UNC79: variants seen among roughly 807,000 people sequenced by gnomAD.
The protein encoded by UNC79 is unc-79 subunit of NALCN channel complex, also known as protein unc-79 homolog.
Under a neutral mutation model 283.1 loss-of-function variants are expected in UNC79, and 37 were observed. The observed-to-expected ratio is 0.13, with a 90% CI of 0.10 to 0.17. The LOEUF is 0.17. Among genes scored for constraint, UNC79 ranks in the 10% least tolerant of loss-of-function variants. The pLI is 1.00. For missense variants in UNC79, 2,272 were observed against 3,211.1 expected, an observed-to-expected ratio of 0.71 and a Z score of 7.07; for synonymous variants, 1,107 against 1,200.2, an observed-to-expected ratio of 0.92 and a Z score of 1.61.
Position 93,690,563 on chromosome 14 carries a change from C to A in UNC79, c.7272+260C>A. 2.5e-6 allele frequency: 1 copy of A among 393,388 alleles called. No homozygotes were observed. Among genetic ancestry groups the A allele is most frequent in the Non-Finnish European group, 4.5e-6 (1 of 222,582 alleles). The allele number at this position is 393,388 out of a possible 1,614,324, so 24.4% of individuals were successfully genotyped here. A position where few individuals can be genotyped will look rare whatever the true frequency, so the allele number is the denominator to read the frequency against. ...GTCAAGCAAGAGTTGGCTTCCCAGGCATTTCTGTCTCAAAATAATGAAGAG... is the reference window on the plus strand; with the variant it reads ...GTCAAGCAAGAGTTGGCTTCCCAGGAATTTCTGTCTCAAAATAATGAAGAG... On this transcript the variant is annotated intron_variant, in intron 45 of 48. Coordinates refer to ENST00000555664, the Ensembl canonical transcript of UNC79. The surrounding 1 kb of genome is among the most constrained non-coding windows in gnomAD (Gnocchi z 4.3).
intron 1 of UNC79, among the ~76,000 whole-genome samples, chr14:93,433,785 A>G (rs1488048798): frequency 6.6e-6 from 1 of 152,246 alleles, no homozygotes; most frequent in African/African-American, 2.4e-5. Context: ...GACCAGCAAG[A>G]GAAAGTACTT....
intron 30 of UNC79, among the ~76,000 whole-genome samples, chr14:93,627,379 T>C (rs1434519585): frequency 6.6e-6 from 1 of 152,212 alleles, no homozygotes; most frequent in Non-Finnish European, 1.5e-5. Context: ...CAGTGACCTA[T>C]TGCGGAAATA....
At chr14:93,677,645 G>A (rs1172787895) in intron 41 of UNC79, among the ~76,000 whole-genome samples, 2 of 152,124 alleles carry the variant, frequency 1.3e-5, no homozygotes, top group Non-Finnish European at 2.9e-5. Flanking sequence ...TGTTTCTCTT[G>A]TGAGTAGTTC....
At chr14:93,661,957 A>T (rs1264273737) in intron 39 of UNC79, among the ~76,000 whole-genome samples, 1 of 152,208 alleles carries the variant, frequency 6.6e-6, no homozygotes, top group Non-Finnish European at 1.5e-5. Context: ...AAATTTGAGT[A>T]AGATAAACTA....
rs762425623 is a variant in UNC79, at chr14:93,347,253, T to G, written c.-351+13730T>G. The G allele has an allele frequency of 2.5e-6, 4 of 1,592,828 alleles. No individual in the cohort carries two copies. In the East Asian group the frequency reaches 9.0e-5, roughly 36 times the overall value. On this transcript the variant is annotated intron_variant, in intron 1 of 49. Coordinates refer to the UNC79 transcript ENST00000256339. ...CCTGTGCTGTCCACGCCTGGCTTTGTCTCACCTGACGCGATATGCCTCTCC... is the reference window on the plus strand; with the variant it reads ...CCTGTGCTGTCCACGCCTGGCTTTGGCTCACCTGACGCGATATGCCTCTCC...
chr14:93,382,497 A>G (rs1566904018), intron 1 of UNC79, among the ~76,000 whole-genome samples: 1 of 152,144 alleles, frequency 6.6e-6, no homozygotes, highest in Non-Finnish European at 1.5e-5. Context: ...TCAGGAATAT[A>G]TGTATAGTCC....
intron 47 of UNC79, 99 bp from the exon 51 acceptor site, chr14:93,704,526 G>A (rs1278868872): frequency 5.8e-6 from 8 of 1,388,202 alleles, no homozygotes; most frequent in South Asian, 2.3e-5. Flanking sequence ...TGCGCGACGT[G>A]AAAGGGATTC....
chr14:93,654,101 T>G (rs540016240), intron 37 of UNC79, 76 bp downstream of exon 40: 1 of 1,250,350 alleles, frequency 8.0e-7, no homozygotes, highest in South Asian at 1.2e-5. Context: ...TGTGTTTCTT[T>G]GAGTCACACC....
intron 1 of UNC79, among the ~76,000 whole-genome samples, chr14:93,462,027 C>G (rs1043118169): frequency 1.3e-5 from 2 of 151,698 alleles, no homozygotes; most frequent in Non-Finnish European, 2.9e-5. Flanking sequence ...AAAAAATGGG[C>G]TAGGTGTGGT....
At chr14:93,452,260 C>T (rs1463848077) in intron 1 of UNC79, among the ~76,000 whole-genome samples, 2 of 152,036 alleles carry the variant, frequency 1.3e-5, no homozygotes, top group Non-Finnish European at 2.9e-5. Flanking sequence ...TGCTGCATGA[C>T]ATCAGGGACT....
At chr14:93,382,538 C>T (rs1297068658) in intron 1 of UNC79, among the ~76,000 whole-genome samples, 1 of 152,030 alleles carries the variant, frequency 6.6e-6, no homozygotes, top group Non-Finnish European at 1.5e-5. Flanking sequence ...AATTGCATGC[C>T]AATCGTTAAT....
At chr14:93,646,668 A>G (rs1378064058) in intron 35 of UNC79, 22 bp downstream of exon 38, 2 of 1,613,182 alleles carry the variant, frequency 1.2e-6, no homozygotes, top group Non-Finnish European at 8.5e-7. Context: ...ACGGGAGCCC[A>G]GATCTCACTT....
chr14:93,693,560 T>C (rs1165985974), intron 46 of UNC79, among the ~76,000 whole-genome samples: 1 of 152,186 alleles, frequency 6.6e-6, no homozygotes, highest in East Asian at 1.9e-4. Flanking sequence ...AATCCAGCCA[T>C]AGGAATTTCT....
intron 1 of UNC79, among the ~76,000 whole-genome samples, chr14:93,341,225 T>C (rs1358278614): frequency 1.3e-5 from 2 of 151,250 alleles, no homozygotes; most frequent in African/African-American, 4.9e-5. Context: ...CCGAGGTGGG[T>C]GGATTGGGAG....
intron 11 of UNC79, among the ~76,000 whole-genome samples, chr14:93,537,296 C>A (rs116786485): frequency 1.3e-5 from 2 of 152,328 alleles, no homozygotes; most frequent in Admixed American, 6.5e-5. Context: ...CCACTTTTCT[C>A]GTTCCCATCA....
intron 1 of UNC79, among the ~76,000 whole-genome samples, chr14:93,360,040 T>C (rs118091459): frequency 0.023 from 3,548 of 152,264 alleles, 55 homozygotes; most frequent in Non-Finnish European, 0.037. Context: ...TAGGGACTTA[T>C]GGAGGTAAGG....
intron 14 of UNC79, among the ~76,000 whole-genome samples, chr14:93,552,442 C>T (rs572791381): frequency 5.2e-4 from 79 of 152,152 alleles, no homozygotes; most frequent in African/African-American, 1.8e-3. Flanking sequence ...TTCATTAAGT[C>T]AGAAAAGTGG....
At chr14:93,668,190 G>A (rs1340847018) in intron 40 of UNC79, among the ~76,000 whole-genome samples, 1 of 151,988 alleles carries the variant, frequency 6.6e-6, no homozygotes. Flanking sequence ...AAAGGTATAA[G>A]GATTAGAAAG....
At chr14:93,371,647 T>C (rs1044546219) in intron 1 of UNC79, among the ~76,000 whole-genome samples, 6 of 152,130 alleles carry the variant, frequency 3.9e-5, no homozygotes, top group African/African-American at 1.4e-4. Flanking sequence ...GAGACCATCC[T>C]GGCTAACATG....
Sources: gnomAD v4.1 joint callset for allele counts (sites outside exome capture counted in the v4.1 genomes callset) on GRCh38, gnomAD v4.1.1 for gene constraint, Gnocchi (gnomAD v3.1) non-coding constraint, MANE v1.5 for transcripts, NCBI Gene and HGNC (gene_info 2026-07-23, HGNC 2026-07-21) for gene names.